HAO1: variants seen among roughly 807,000 people sequenced by gnomAD.
HAO1 encodes hydroxyacid oxidase 1.
Under a neutral mutation model 39.7 loss-of-function variants are expected in HAO1, and 34 were observed. The ratio of observed to expected loss-of-function variants is 0.86; its 90% confidence interval spans 0.65 to 1.14. The LOEUF is 1.14. Among genes scored for constraint, HAO1 ranks in the 50% most tolerant of loss-of-function variants. HAO1 has a pLI of 0.00. For missense variants in HAO1, 479 were observed against 464.5 expected, an observed-to-expected ratio of 1.03 and a Z score of -0.29; for synonymous variants, 172 against 173.2, an observed-to-expected ratio of 0.99 and a Z score of 0.05.
In HAO1 at chr20:7,937,603, G is replaced by A. The variant is rs895154058; in HGVS notation, c.137+2683C>T. 3.3e-5 allele frequency among the ~76,000 whole-genome samples: 5 copies of A among 152,202 alleles called. No individual in the cohort carries two copies. In the South Asian group the frequency reaches 1.0e-3, roughly 32 times the overall value. The stretch of plus-strand genomic sequence containing the variant: ...AAAGAGTTTCCTTTTCTGAAATCAT[G>A]AGGGCTTCTAAGTGTCGAAATTGTT... On this transcript the variant is annotated intron_variant, in intron 1 of 7. Transcript: ENST00000378789.
chr20:7,917,521 T>C (rs2050312605), intron 2 of HAO1, among the ~76,000 whole-genome samples: 1 of 151,994 alleles, frequency 6.6e-6, no homozygotes, highest in African/African-American at 2.4e-5. Context: ...TCCCTCAATA[T>C]TTCAGGGCAG....
Position 7,895,156 on chromosome 20 carries a change from G to C in HAO1, c.790C>G (p.Gln264Glu). 4 of 1,611,842 alleles carry C rather than the reference G, an allele frequency of 2.5e-6. No homozygotes were observed. The highest frequency in any genetic ancestry group is 3.4e-6 in the Non-Finnish European group (4 of 1,178,084). ...ACAGTGGCTGGCACCCCATCGAGTTGTCGAGCCCCATGATTCGACACCAAG... is the reference window on the plus strand; with the variant it reads ...ACAGTGGCTGGCACCCCATCGAGTTCTCGAGCCCCATGATTCGACACCAAG... ...GILVSNHGAR[Q>E]LDGVPATIDV... The change falls in exon 5 of 8, where the codon CAA becomes GAA. Residue 264 changes from glutamine to glutamate, a missense_variant. Physicochemically the swap from Gln to Glu is conservative, Grantham distance 29 (BLOSUM62 2). Coordinates refer to ENST00000378789, the MANE Select transcript of HAO1 (RefSeq NM_017545.3).
At chr20:7,898,613 GATA>G (rs2050207705) in intron 4 of HAO1, among the ~76,000 whole-genome samples, 1 of 152,120 alleles carries the variant, frequency 6.6e-6, no homozygotes, top group Admixed American at 6.6e-5. Context: ...AACTTTCTGT[GATA>G]ATAAAAATGT....
At chr20:7,912,872 G>C (rs1385504661) in intron 3 of HAO1, among the ~76,000 whole-genome samples, 1 of 152,186 alleles carries the variant, frequency 6.6e-6, no homozygotes, top group Non-Finnish European at 1.5e-5. Flanking sequence ...TAGTAACAGG[G>C]AGGTAACATC....
rs2050326666 is a variant in HAO1 at position 7,920,611 on chromosome 20, C to T, written c.290-6192G>A. Among the ~76,000 whole-genome samples the T allele has an allele frequency of 2.6e-5, 4 of 152,082 alleles. No individual in the cohort carries two copies. The South Asian group carries it at 8.3e-4, about 32-fold the overall frequency. On this transcript the variant is annotated intron_variant, in intron 2 of 7. Transcript: ENST00000378789. Reference sequence around the variant, plus strand: ...TTCCTCTCCCAGCCTCTGGTAGCCACCTTTTTATGATCTGTTTCTGTGAGA... The same window carrying T: ...TTCCTCTCCCAGCCTCTGGTAGCCATCTTTTTATGATCTGTTTCTGTGAGA...
chr20:7,883,272 G>T lies in HAO1; in HGVS notation c.*321C>A. ...TCATTATCTTTTCACCTTAGTGTTTGCTACCTCCAATTTTACTAAAGGATA... is the reference window on the plus strand; with the variant it reads ...TCATTATCTTTTCACCTTAGTGTTTTCTACCTCCAATTTTACTAAAGGATA... On this transcript the variant is annotated 3_prime_UTR_variant, in exon 8 of 8. Coordinates refer to ENST00000378789, the MANE Select transcript of HAO1 (RefSeq NM_017545.3). The T allele has an allele frequency of 3.0e-6, 1 of 328,044 alleles. No individual in the cohort carries two copies. The highest frequency in any genetic ancestry group is 5.8e-6 in the Non-Finnish European group (1 of 173,786). The allele number at this position is 328,044 out of a possible 1,614,324, so 20.3% of individuals were successfully genotyped here.
At position 7,883,338 on chromosome 20, in the gene HAO1, AT is replaced by A; in HGVS notation, c.*254del. The A allele has an allele frequency of 2.0e-6, 1 of 507,580 alleles. No individual in the cohort carries two copies. The highest frequency in any genetic ancestry group is 3.5e-6 in the Non-Finnish European group (1 of 281,970). The allele number at this position is 507,580 out of a possible 1,614,324, so 31.4% of individuals were successfully genotyped here. On this transcript the variant is annotated 3_prime_UTR_variant, in exon 8 of 8. Coordinates refer to ENST00000378789, the MANE Select transcript of HAO1 (RefSeq NM_017545.3). ...CCAGGGGATGACGTTGTCTAAACAC[AT>A]TTTCAATGTTTTCTTTTTAACAGTT...
intron 2 of HAO1, among the ~76,000 whole-genome samples, chr20:7,929,336 C>T (rs566234482): frequency 6.6e-6 from 1 of 152,250 alleles, no homozygotes; most frequent in East Asian, 1.9e-4. Flanking sequence ...AGTGTGTAAG[C>T]ATTTCTAGCA....
chr20:7,907,504 C>G (rs1313100088), intron 3 of HAO1, among the ~76,000 whole-genome samples: 1 of 152,200 alleles, frequency 6.6e-6, no homozygotes, highest in East Asian at 1.9e-4. Context: ...CTTTGCCTCA[C>G]TTTCCTACTC....
chr20:7,929,741 A>G (rs1281965414), intron 2 of HAO1, among the ~76,000 whole-genome samples: 2 of 152,086 alleles, frequency 1.3e-5, no homozygotes, highest in East Asian at 1.9e-4. Flanking sequence ...GTGCGTGCCT[A>G]TAGTCCTAGC....
chr20:7,908,160 T>A (rs1417437601), intron 3 of HAO1, among the ~76,000 whole-genome samples: 1 of 151,954 alleles, frequency 6.6e-6, no homozygotes, highest in Non-Finnish European at 1.5e-5. Context: ...GAGGCCGAGG[T>A]GGGCAGATCA....
intron 2 of HAO1, among the ~76,000 whole-genome samples, chr20:7,932,974 A>G (rs2050392204): frequency 6.6e-6 from 1 of 152,186 alleles, no homozygotes; most frequent in Non-Finnish European, 1.5e-5. Flanking sequence ...TTTGAAATGC[A>G]CATTTTCTCC....
chr20:7,886,134 C>T (rs2050150191), intron 5 of HAO1, among the ~76,000 whole-genome samples: 1 of 151,972 alleles, frequency 6.6e-6, no homozygotes, highest in African/African-American at 2.4e-5. Flanking sequence ...CAAAGATTGT[C>T]ATCAAAAAAT....
chr20:7,936,468 T>A lies in HAO1; in HGVS notation c.138-1833A>T, dbSNP rs565493919. Among the ~76,000 whole-genome samples the A allele has an allele frequency of 3.5e-5, 5 of 144,370 alleles. No individual in the cohort carries two copies. In the East Asian group the frequency reaches 1.1e-3, roughly 31 times the overall value. 94.7% of individuals were successfully genotyped at this position (144,370 alleles called of 152,430 possible). ...AGAGCTAGAGAAACAATGAAAGCTT[T>A]ATGACAAGAACAAGCAAATCTGCAG... On this transcript the variant is annotated intron_variant, in intron 1 of 7. Transcript: ENST00000378789.
intron 2 of HAO1, among the ~76,000 whole-genome samples, chr20:7,916,545 G>A (rs981180860): frequency 2.6e-5 from 4 of 152,162 alleles, no homozygotes; most frequent in African/African-American, 7.2e-5. Flanking sequence ...CCCACCCACA[G>A]AGCTTCTGGT....
At chr20:7,903,600 G>T (rs893221122) in intron 4 of HAO1, among the ~76,000 whole-genome samples, 1 of 151,346 alleles carries the variant, frequency 6.6e-6, no homozygotes, top group Non-Finnish European at 1.5e-5. Flanking sequence ...GGCGCTGGTG[G>T]TGGTGGTGGT....
At chr20:7,910,338 G>C (rs2050272953) in intron 3 of HAO1, among the ~76,000 whole-genome samples, 1 of 152,192 alleles carries the variant, frequency 6.6e-6, no homozygotes, top group Non-Finnish European at 1.5e-5. Flanking sequence ...AAGCTACCTT[G>C]AGAAAGAAAT....
intron 5 of HAO1, among the ~76,000 whole-genome samples, chr20:7,894,150 A>T (rs1347951556): frequency 6.6e-6 from 1 of 152,044 alleles, no homozygotes; most frequent in Non-Finnish European, 1.5e-5. Context: ...CCCGGCCCCC[A>T]TTCTGGATCA....
intron 2 of HAO1, among the ~76,000 whole-genome samples, chr20:7,915,665 A>T (rs1269626629): frequency 6.6e-6 from 1 of 152,210 alleles, no homozygotes; most frequent in Non-Finnish European, 1.5e-5. Context: ...GAAATCTCCA[A>T]GGGGGAGATC....
Sources: allele counts gnomAD v4.1 joint callset (sites outside exome capture counted in the v4.1 genomes callset), GRCh38; gene constraint gnomAD v4.1.1; transcripts MANE v1.5; gene names NCBI Gene and HGNC (gene_info 2026-07-23, HGNC 2026-07-21).